Variants in THOC5 observed in about 807,000 individuals in gnomAD.
The protein encoded by THOC5 is THO complex subunit 5, also known as Fms-interacting protein.
In THOC5, 43 loss-of-function variants were observed where a neutral mutation model predicts 92.9. The ratio of observed to expected loss-of-function variants is 0.46; its 90% CI spans 0.36 to 0.60. The LOEUF is 0.60. Among genes scored for constraint, THOC5 ranks in the 20% least tolerant of loss-of-function variants. The pLI is 0.00. For missense variants in THOC5, 659 were observed against 849.4 expected, an observed-to-expected ratio of 0.78 and a Z score of 2.79; for synonymous variants, 296 against 320.1, an observed-to-expected ratio of 0.92 and a Z score of 0.80.
chr22:29,528,801 A>AG (rs1204682980), intron 9 of THOC5: 2 of 501,660 alleles, frequency 4.0e-6, no homozygotes, highest in African/African-American at 1.9e-5. Flanking sequence ...GCATAACTTG[A>AG]GGGGGTACTA....
chr22:29,515,966 A>AAAAAAC (rs1272605310), intron 17 of THOC5, among the ~76,000 whole-genome samples: 2 of 152,172 alleles, frequency 1.3e-5, no homozygotes, highest in Admixed American at 1.3e-4. Flanking sequence ...TGCCTCTACA[A>AAAAAAC]AAAAACAAAA....
chr22:29,517,143 T>G (rs911644038), intron 16 of THOC5, 27 bp from the exon 17 acceptor site: 5 of 1,612,424 alleles, frequency 3.1e-6, no homozygotes, highest in Non-Finnish European at 4.2e-6. Context: ...AGACAAGAGG[T>G]GAACTGCTGG....
intron 12 of THOC5, among the ~76,000 whole-genome samples, chr22:29,523,662 CAA>C (rs1182171330): frequency 6.6e-6 from 1 of 152,038 alleles, no homozygotes; most frequent in East Asian, 1.9e-4. Flanking sequence ...TAGGAGAAAA[CAA>C]AAGAGATGGC....
At chr22:29,541,398 T>C (rs1354952110) in intron 5 of THOC5, among the ~76,000 whole-genome samples, 2 of 148,936 alleles carry the variant, frequency 1.3e-5, no homozygotes, top group Non-Finnish European at 3.0e-5. Context: ...TCCCAGCTAC[T>C]CAGGAGGCTG....
At chr22:29,526,548 A>T (rs921815777) in intron 11 of THOC5, among the ~76,000 whole-genome samples, 1 of 151,924 alleles carries the variant, frequency 6.6e-6, no homozygotes, top group African/African-American at 2.4e-5. Context: ...AAAAAAAATC[A>T]CAACAGTAAT....
chr22:29,549,068 C>A lies in THOC5; in HGVS notation c.80G>T (p.Arg27Leu). The A allele has an allele frequency of 6.2e-7, 1 of 1,614,106 alleles. No individual in the cohort carries two copies. Among genetic ancestry groups the A allele is most frequent in the Non-Finnish European group, 8.5e-7 (1 of 1,180,012 alleles). ...TGATCTCACCTGCTCGGTGTCAGATCGATTCCGCTTTCCTTCAGCTGGGGC... is the reference window on the plus strand; with the variant it reads ...TGATCTCACCTGCTCGGTGTCAGATAGATTCCGCTTTCCTTCAGCTGGGGC... ...DGAPAEGKRN[R>L]SDTEQEGKYY... The change falls in exon 2 of 20, where the codon CGA (arginine) becomes CTA (leucine). Residue 27 changes from arginine (R) to leucine (L), a missense_variant. Physicochemically the swap from Arg to Leu is moderately radical, Grantham distance 102. Transcript: ENST00000490103.
At chr22:29,511,042 T>A (rs2063211902) in intron 19 of THOC5, 64 bp downstream of exon 19, 3 of 1,537,062 alleles carry the variant, frequency 2.0e-6, no homozygotes, top group Admixed American at 3.8e-5. Context: ...CCCCAGAAAA[T>A]CTGGCTCTGA....
rs544732514 is a variant in THOC5 at position 29,534,047 on chromosome 22, T to G, written c.715-2084A>C. On this transcript the variant is annotated intron_variant, in intron 7 of 19. Coordinates refer to ENST00000490103, the MANE Select transcript of THOC5 (RefSeq NM_003678.5). ...CAAAACACATGTATAAGAATGCTCATAGCAGCATTATTGAAATGGCCCTAA... is the reference window on the plus strand; with the variant it reads ...CAAAACACATGTATAAGAATGCTCAGAGCAGCATTATTGAAATGGCCCTAA... Among the ~76,000 whole-genome samples the G allele has an allele frequency of 7.9e-4, 121 of 152,332 alleles. 1 individual carries two copies. The highest frequency in any genetic ancestry group is 2.6e-3 in the African/African-American group (107 of 41,574).
intron 8 of THOC5, chr22:29,531,056 A>G: frequency 9.1e-7 from 1 of 1,104,284 alleles, no homozygotes; most frequent in Non-Finnish European, 1.1e-6. Context: ...TTTTAAACAT[A>G]AAAGAAAAGA....
intron 5 of THOC5, among the ~76,000 whole-genome samples, chr22:29,540,840 G>C (rs2063866098): frequency 6.6e-6 from 1 of 152,138 alleles, no homozygotes; most frequent in Admixed American, 6.5e-5. Flanking sequence ...CTCAAGTACA[G>C]ACCTGATGCA....
In THOC5 at chr22:29,508,359, T is replaced by C. The variant is rs2063158615; in HGVS notation, c.*98A>G. 1 of 1,299,142 alleles carries C rather than the reference T, an allele frequency of 7.7e-7. No homozygotes were observed. The highest frequency in any genetic ancestry group is 2.0e-5 in the Admixed American group (1 of 51,218). The allele number at this position is 1,299,142 out of a possible 1,614,324, so 80.5% of individuals were successfully genotyped here. On this transcript the variant is annotated 3_prime_UTR_variant, in exon 20 of 20. Coordinates refer to ENST00000490103, the MANE Select transcript of THOC5 (RefSeq NM_003678.5). ...TGACGCTTTTTAATTGGCTGGTGTC[T>C]TTGGAGAATATCAAGAGTCACATGT...
rs1344351446 is a variant in THOC5 at position 29,512,097 on chromosome 22, G to T, written c.1721C>A (p.Ser574Tyr). 3.7e-6 allele frequency: 6 copies of T among 1,614,046 alleles called. No homozygotes were observed. Among genetic ancestry groups the T allele is most frequent in the East Asian group, 4.5e-5 (2 of 44,896 alleles). The change falls in exon 18 of 20, where the codon TCC becomes TAC. Residue 574 changes from serine to tyrosine, a missense_variant. By Grantham distance (144) the Ser-to-Tyr change is moderately radical. Transcript: ENST00000490103. ...QAAVVLNPGYSSIPPVFQLCL... is the reference protein window; with the variant it reads ...QAAVVLNPGYYSIPPVFQLCL... ...GAGCTGGAAAACAGGTGGGATGGAG[G>T]AGTAGCCAGGGTTCAACACCACAGC...
chr22:29,535,129 T>C (rs1319530565), intron 7 of THOC5: 1 of 150,816 alleles, frequency 6.6e-6, no homozygotes, highest in Non-Finnish European at 1.5e-5. Flanking sequence ...CCAGGTGTGG[T>C]GGTGGGTGCC....
At chr22:29,516,708 C>T (rs945031266) in intron 17 of THOC5, among the ~76,000 whole-genome samples, 3 of 152,160 alleles carry the variant, frequency 2.0e-5, no homozygotes, top group Non-Finnish European at 2.9e-5. Flanking sequence ...AGGAGATGTC[C>T]GGTACTAGAA....
rs544320720 is a variant in THOC5 at position 29,519,909 on chromosome 22, T to C, written c.1374+99A>G. 2.6e-4 allele frequency: 234 copies of C among 904,274 alleles called. 1 individual carries two copies. The African/African-American group carries it at 3.6e-3, about 14-fold the overall frequency. 56.0% of individuals were successfully genotyped at this position (904,274 alleles called of 1,614,324 possible). A position where few individuals can be genotyped will look rare whatever the true frequency, so the allele number is the denominator to read the frequency against. ...TCAGCCTCCCAAAGTACAAGGATTA[T>C]AGGCATGAGCCACCGCACCTGGCCT... On this transcript the variant is annotated intron_variant, in intron 14 of 19. Transcript: ENST00000490103.
intron 7 of THOC5, among the ~76,000 whole-genome samples, chr22:29,532,176 C>T (rs1225944434): frequency 2.0e-5 from 3 of 152,178 alleles, no homozygotes; most frequent in African/African-American, 7.2e-5. Context: ...ATTTTACCTA[C>T]TGTCAGGGCA....
intron 11 of THOC5, among the ~76,000 whole-genome samples, chr22:29,527,256 C>CA (rs945667664): frequency 1.3e-5 from 2 of 151,962 alleles, no homozygotes; most frequent in African/African-American, 2.4e-5. Context: ...CCCATCTCTA[C>CA]AAAAAATACA....
intron 11 of THOC5, among the ~76,000 whole-genome samples, chr22:29,526,817 A>C (rs1379389938): frequency 6.6e-6 from 1 of 152,182 alleles, no homozygotes; most frequent in Non-Finnish European, 1.5e-5. Flanking sequence ...CCATAATCTC[A>C]GTCTAATCAA....
At chr22:29,525,806 G>T in intron 12 of THOC5, 32 bp downstream of exon 12, 1 of 1,564,706 alleles carries the variant, frequency 6.4e-7, no homozygotes, top group Non-Finnish European at 8.8e-7. Context: ...TCCCCATCCC[G>T]CACGTCATTG....
Sources: gnomAD v4.1 joint callset for allele counts (sites outside exome capture counted in the v4.1 genomes callset) on GRCh38, gnomAD v4.1.1 for gene constraint, MANE v1.5 for transcripts, NCBI Gene and HGNC (gene_info 2026-07-23, HGNC 2026-07-21) for gene names.